Variants in CARF observed in about 807,000 individuals in gnomAD.
CARF encodes calcium-responsive transcription factor.
Under a neutral mutation model 82.0 loss-of-function variants are expected in CARF, and 57 were observed. The observed-to-expected ratio is 0.70, with a 90% confidence interval of 0.56 to 0.87. CARF has a LOEUF of 0.87. Ranked by LOEUF, CARF falls within the 40% of genes least tolerant of loss-of-function variation. CARF has a pLI of 0.00. For missense variants in CARF, 771 were observed against 855.8 expected (o/e 0.90, Z 1.24); for synonymous variants, 268 against 290.1 (o/e 0.92, Z 0.77).
rs751940184 is a variant in CARF, at chr2:202,954,040, C to A, written c.463C>A (p.Pro155Thr). The change falls in exon 7 of 17, where the codon CCA becomes ACA. Residue 155 changes from proline (P) to threonine (T), a missense_variant. Physicochemically the swap from Pro to Thr is conservative, Grantham distance 38 (BLOSUM62 -1). Transcript: ENST00000438828. Reference protein sequence around the residue: ...PEEKPSNRNLPTVRVDTLADN... With the variant: ...PEEKPSNRNLTTVRVDTLADN... ...AGAGAAACCCAGTAACAGAAACTTA[C>A]CAACTGTAAGAGTGGATACTCTAGC... 2 of 1,609,554 alleles carry A rather than the reference C, an allele frequency of 1.2e-6. No homozygotes were observed. Among genetic ancestry groups the A allele is most frequent in the Non-Finnish European group, 1.7e-6 (2 of 1,178,320 alleles).
intron 13 of CARF, among the ~76,000 whole-genome samples, chr2:202,976,230 C>T (rs984384352): frequency 6.6e-6 from 1 of 151,346 alleles, no homozygotes; most frequent in East Asian, 1.9e-4. Context: ...GCTGGATTGC[C>T]GTGGCATGAT....
intron 11 of CARF, among the ~76,000 whole-genome samples, chr2:202,970,286 T>A (rs971816999): frequency 2.6e-5 from 4 of 152,218 alleles, no homozygotes; most frequent in Non-Finnish European, 5.9e-5. Flanking sequence ...AATTATTCCA[T>A]ACTGTATAGC....
In CARF at chr2:202,987,251, C is replaced by T. The variant is rs959340632; in HGVS notation, c.*3627C>T. ...TTCTCCACGCCCACCCACCCCCAGC[C>T]CCCCGATGTTTTGGCACCATGACAT... On this transcript the variant is annotated 3_prime_UTR_variant, in exon 17 of 17. Transcript: ENST00000438828. 2.6e-5 allele frequency among the ~76,000 whole-genome samples: 4 copies of T among 151,262 alleles called. No homozygotes were observed. The highest frequency in any genetic ancestry group is 2.1e-4 in the South Asian group (1 of 4,782).
chr2:202,922,545 A>G (rs1313448482), intron 2 of CARF, among the ~76,000 whole-genome samples: 2 of 152,200 alleles, frequency 1.3e-5, no homozygotes, highest in Non-Finnish European at 2.9e-5. Context: ...CCTCACGCCT[A>G]TAATCCCAGC....
chr2:202,963,617 T>C (rs2059416076), intron 9 of CARF, among the ~76,000 whole-genome samples: 1 of 152,198 alleles, frequency 6.6e-6, no homozygotes, highest in Non-Finnish European at 1.5e-5. Context: ...TACATTGTAA[T>C]ATGTAATGAA....
chr2:202,974,216 C>T (rs2059931334), intron 12 of CARF, 118 bp from the exon 13 acceptor site: 4 of 616,286 alleles, frequency 6.5e-6, no homozygotes, highest in Non-Finnish European at 1.0e-5. Flanking sequence ...AAATTACTTA[C>T]AGAGCTATAA....
chr2:202,942,633 C>A, intron 4 of CARF, 107 bp from the exon 5 acceptor site: 1 of 1,080,752 alleles, frequency 9.3e-7, no homozygotes, highest in Non-Finnish European at 1.3e-6. Flanking sequence ...ACAACTCTTA[C>A]AAAAAAGTAA....
At chr2:202,963,540 G>T (rs1465931079) in intron 9 of CARF, among the ~76,000 whole-genome samples, 1 of 152,194 alleles carries the variant, frequency 6.6e-6, no homozygotes, top group Non-Finnish European at 1.5e-5. Flanking sequence ...CAGGATGGGG[G>T]ATGGGGGATG....
At chr2:202,967,584 AT>A (rs1353170516) in intron 10 of CARF, among the ~76,000 whole-genome samples, 4 of 152,256 alleles carry the variant, frequency 2.6e-5, no homozygotes, top group East Asian at 3.9e-4. Flanking sequence ...TAAAAGTACT[AT>A]TTTTTAATAG....
At chr2:202,951,340 C>T (rs748342052) in intron 5 of CARF, among the ~76,000 whole-genome samples, 5 of 152,128 alleles carry the variant, frequency 3.3e-5, no homozygotes, top group Non-Finnish European at 7.4e-5. Flanking sequence ...CCTCAAGTAA[C>T]TCCCTTAAAA....
At chr2:202,934,294 C>A (rs779333130) in intron 3 of CARF, among the ~76,000 whole-genome samples, 25 of 152,036 alleles carry the variant, frequency 1.6e-4, no homozygotes, top group Admixed American at 1.5e-3. Context: ...AACACACGTT[C>A]TTTAATTGTT....
chr2:202,951,836 CTT>C (rs112347376), intron 5 of CARF, among the ~76,000 whole-genome samples: 10 of 142,312 alleles, frequency 7.0e-5, no homozygotes, highest in Admixed American at 1.4e-4. Flanking sequence ...ATCAAGTTAC[CTT>C]TTTTTTTTTT....
chr2:202,925,127 C>T, intron 3 of CARF: 1 of 365,730 alleles, frequency 2.7e-6, no homozygotes, highest in South Asian at 2.3e-5. Flanking sequence ...AAGCTGGAGG[C>T]AGAACTTGGC....
chr2:202,984,409 T>C lies in CARF; in HGVS notation c.*785T>C, dbSNP rs2060370845. 6.6e-6 allele frequency: 1 copy of C among 152,182 alleles called. No homozygotes were observed. Among genetic ancestry groups the C allele is most frequent in the Non-Finnish European group, 1.5e-5 (1 of 68,022 alleles). The allele number at this position is 152,182 out of a possible 1,614,324, so 9.4% of individuals were successfully genotyped here. On this transcript the variant is annotated 3_prime_UTR_variant, in exon 17 of 17. Coordinates refer to ENST00000438828, the MANE Select transcript of CARF (RefSeq NM_024744.17). ...GTAAAACACTATAGGCAGAAAGATGTAGAAATTAAGAGAATTGAAAAAGAA... is the reference window on the plus strand; with the variant it reads ...GTAAAACACTATAGGCAGAAAGATGCAGAAATTAAGAGAATTGAAAAAGAA...
intron 8 of CARF, among the ~76,000 whole-genome samples, chr2:202,956,470 G>T (rs186601584): frequency 6.6e-6 from 1 of 152,084 alleles, no homozygotes; most frequent in East Asian, 1.9e-4. Flanking sequence ...TGGCCAGACT[G>T]GTCTCAAACT....
At chr2:202,978,970 G>C (rs1167553065) in intron 14 of CARF, among the ~76,000 whole-genome samples, 1 of 152,016 alleles carries the variant, frequency 6.6e-6, no homozygotes, top group East Asian at 1.9e-4. Flanking sequence ...AGAATAAGAG[G>C]TTGTAGCTGG....
chr2:202,965,017 G>GT lies in CARF; in HGVS notation c.833-1953dup, dbSNP rs1157928171. On this transcript the variant is annotated intron_variant, in intron 9 of 16. Coordinates refer to ENST00000438828, the MANE Select transcript of CARF (RefSeq NM_024744.17). ...TTACATTTTCCCACTTACCTCACAG[G>GT]TTTTTTTTCCTCTCCTCAAAGGTTG... is the stretch of plus-strand genomic sequence containing the variant. Among the ~76,000 whole-genome samples the GT allele has an allele frequency of 1.1e-4, 17 of 151,550 alleles. No individual in the cohort carries two copies. The East Asian group carries it at 3.1e-3, about 28-fold the overall frequency.
chr2:202,962,482 C>A (rs371176210), intron 9 of CARF: 1 of 151,766 alleles, frequency 6.6e-6, no homozygotes, highest in African/African-American at 2.4e-5. Context: ...CAGAGTAAGA[C>A]CCTGTCTTTA....
Position 202,975,853 on chromosome 2 carries a change from T to C in CARF, c.1494+1357T>C, listed in dbSNP as rs541641130. Among the ~76,000 whole-genome samples the C allele has an allele frequency of 3.3e-5, 5 of 152,070 alleles. No homozygotes were observed. In the East Asian group the frequency reaches 9.8e-4, roughly 30 times the overall value. On this transcript the variant is annotated intron_variant, in intron 13 of 16. Transcript: ENST00000438828. ...TGAGATCAGGAGTTCGAGACCAGCCTGGCCAACACAGTGAAACCCCATTTC... is the reference window on the plus strand; with the variant it reads ...TGAGATCAGGAGTTCGAGACCAGCCCGGCCAACACAGTGAAACCCCATTTC...
Sources: allele counts gnomAD v4.1 joint callset (sites outside exome capture counted in the v4.1 genomes callset), GRCh38; gene constraint gnomAD v4.1.1; transcripts MANE v1.5; gene names NCBI Gene and HGNC (gene_info 2026-07-23, HGNC 2026-07-21).